PARP12: variants seen among roughly 807,000 people sequenced by gnomAD.
PARP12 encodes poly(ADP-ribose) polymerase family member 12.
PARP12 carries 59 observed loss-of-function variants against 72.4 expected under a neutral mutation model. That is an observed-to-expected ratio of 0.81 (90% CI 0.66 to 1.01). The LOEUF (loss-of-function observed/expected upper bound fraction) is 1.01. Among genes scored for constraint, PARP12 ranks in the 50% least tolerant of loss-of-function variants. PARP12 has a pLI of 0.00. For missense variants in PARP12, 851 were observed against 914.0 expected (o/e 0.93, Z 0.89); for synonymous variants, 403 against 371.4 (o/e 1.09, Z -0.98).
intron 4 of PARP12, among the ~76,000 whole-genome samples, chr7:140,049,021 G>A (rs908211398): frequency 6.6e-6 from 1 of 152,078 alleles, no homozygotes; most frequent in South Asian, 2.1e-4. Flanking sequence ...TTTGATACTT[G>A]AAAAAAATTA....
At position 140,024,543 on chromosome 7, in the gene PARP12, G is replaced by GGT. The variant is rs1569526161; in HGVS notation, c.*16_*17insAC. 6.2e-7 allele frequency: 1 copy of GGT among 1,613,504 alleles called. No individual in the cohort carries two copies. The highest frequency in any genetic ancestry group is 1.3e-5 in the African/African-American group (1 of 74,906). ...TCAAGGCAGAGCAGGTGAAAGGCCTGGAACACTCCTGTGCGCTCACTGTCG... is the reference window on the plus strand; with the variant it reads ...TCAAGGCAGAGCAGGTGAAAGGCCTGGTGAACACTCCTGTGCGCTCACTGTCG... On this transcript the variant is annotated 3_prime_UTR_variant, in exon 12 of 12. Coordinates refer to ENST00000263549, the MANE Select transcript of PARP12 (RefSeq NM_022750.4).
intron 4 of PARP12, among the ~76,000 whole-genome samples, chr7:140,047,415 G>A (rs1247692177): frequency 1.3e-5 from 2 of 152,122 alleles, no homozygotes; most frequent in African/African-American, 2.4e-5. Context: ...GTGATGCCCT[G>A]CAGCACCTCA....
In PARP12 at chr7:140,056,884, A is replaced by C. The variant is rs1223688176; in HGVS notation, c.732T>G (p.Pro244=). The change falls in exon 3 of 12, where the codon CCT becomes CCG. Residue 244 remains proline (P), a synonymous_variant. Transcript: ENST00000263549. ...AAGTCCCCTGTGGGACAAAAAGAGGAGGCACTCTGCTGGGGGCAGAGCTCT... is the reference window on the plus strand; with the variant it reads ...AAGTCCCCTGTGGGACAAAAAGAGGCGGCACTCTGCTGGGGGCAGAGCTCT... The part of the protein sequence containing the change: ...KNKSSAPSRV[P]PLFVPQGTSE... 6.2e-6 allele frequency: 10 copies of C among 1,610,198 alleles called. No homozygotes were observed. The highest frequency in any genetic ancestry group is 4.5e-5 in the East Asian group (2 of 44,864).
rs1207561245 is a variant in PARP12, at chr7:140,035,898, A to AGGAGGG, written c.1325-1568_1325-1567insCCCTCC. Among the ~76,000 whole-genome samples, 100 of 131,802 alleles carry AGGAGGG rather than the reference A, an allele frequency of 7.6e-4. 2 individuals are homozygous for AGGAGGG. The highest frequency in any genetic ancestry group is 1.6e-3 in the African/African-American group (55 of 34,462). The allele number at this position is 131,802 out of a possible 152,430, so 86.5% of individuals were successfully genotyped here. A position where few individuals can be genotyped will look rare whatever the true frequency, so the allele number is the denominator to read the frequency against. On this transcript the variant is annotated intron_variant, in intron 7 of 11. Transcript: ENST00000263549. ...GAGGAGGAGGAAGAGGAAGAGGAGG[A>AGGAGGG]GGACGAGGAGGAGGACAAGGAGGAG...
Position 140,024,544 on chromosome 7 carries a change from G to C in PARP12, c.*16C>G, listed in dbSNP as rs1815647554. 1 of 1,613,592 alleles carries C rather than the reference G, an allele frequency of 6.2e-7. No homozygotes were observed. Among genetic ancestry groups the C allele is most frequent in the Non-Finnish European group, 8.5e-7 (1 of 1,179,810 alleles). On this transcript the variant is annotated 3_prime_UTR_variant, in exon 12 of 12. Coordinates refer to ENST00000263549, the MANE Select transcript of PARP12 (RefSeq NM_022750.4). ...CAAGGCAGAGCAGGTGAAAGGCCTG[G>C]AACACTCCTGTGCGCTCACTGTCGG... is the stretch of plus-strand genomic sequence containing the variant.
At chr7:140,039,011 T>C (rs558610535) in intron 6 of PARP12, among the ~76,000 whole-genome samples, 153 of 152,308 alleles carry the variant, frequency 1.0e-3, no homozygotes, top group African/African-American at 3.5e-3. Context: ...AAGAAAAAGA[T>C]GCCTGAGCCA....
intron 4 of PARP12, among the ~76,000 whole-genome samples, chr7:140,051,061 G>A (rs1271275447): frequency 1.3e-5 from 2 of 152,154 alleles, no homozygotes; most frequent in Non-Finnish European, 2.9e-5. Context: ...CAGGAGCTGG[G>A]GGGAGGGAAG....
chr7:140,030,481 C>T (rs974042320), intron 8 of PARP12, among the ~76,000 whole-genome samples: 1 of 152,204 alleles, frequency 6.6e-6, no homozygotes, highest in African/African-American at 2.4e-5. Flanking sequence ...GCCAGTAGTC[C>T]AAGCTACTCA....
chr7:140,047,003 C>G lies in PARP12; in HGVS notation c.867G>C (p.Lys289Asn). 1 of 1,611,398 alleles carries G rather than the reference C, an allele frequency of 6.2e-7. No individual in the cohort carries two copies. Among genetic ancestry groups the G allele is most frequent in the Non-Finnish European group, 8.5e-7 (1 of 1,178,988 alleles). The change falls in exon 5 of 12, where the codon AAG becomes AAC. Residue 289 changes from lysine to asparagine, a missense_variant. Lys to Asn is a moderately conservative substitution (Grantham distance 94). This residue lies in a region of PARP12 where 492 missense variants were observed against 489.3 expected (regional missense o/e 1.01). Transcript: ENST00000263549. Reference protein sequence around the residue: ...HIRKSCSFQDKCHRVHFHLPY... With the variant: ...HIRKSCSFQDNCHRVHFHLPY... ...GCAAATGGAAATGAACTCTATGGCACTTATCTGAAATAAAAACATAAAGGA... is the reference window on the plus strand; with the variant it reads ...GCAAATGGAAATGAACTCTATGGCAGTTATCTGAAATAAAAACATAAAGGA...
chr7:140,037,717 T>C lies in PARP12; in HGVS notation c.1322A>G (p.Lys441Arg), dbSNP rs374743398. Reference sequence around the variant, plus strand: ...GGCGAGGGCAGGGCACAGGATACCTTTGAAATCTAACTCGTAGTTGTGCTT... The same window carrying C: ...GGCGAGGGCAGGGCACAGGATACCTCTGAAATCTAACTCGTAGTTGTGCTT... ...AGKHNYELDF[K>R]AFVQKNLVYG... is the part of the protein sequence containing the mutation. Residue 441 changes from lysine to arginine, a missense_variant and splice_region_variant, in exon 7 of 12, where the codon AAA becomes AGA. Transcript: ENST00000263549. 2.5e-6 allele frequency: 4 copies of C among 1,613,980 alleles called. No individual in the cohort carries two copies. The highest frequency in any genetic ancestry group is 1.3e-5 in the African/African-American group (1 of 74,940).
Position 140,057,708 on chromosome 7 carries a change from G to T in PARP12, c.462+191C>A, listed in dbSNP as rs1817245091. 3 of 703,418 alleles carry T rather than the reference G, an allele frequency of 4.3e-6. No individual in the cohort carries two copies. In the African/African-American group the frequency reaches 5.4e-5, roughly 13 times the overall value. 43.6% of individuals were successfully genotyped at this position (703,418 alleles called of 1,614,324 possible). ...CCATGGCATCTGTGTGATGTTTGTGGAACTGGGTTGTTGGCAAAGCTGGCC... is the reference window on the plus strand; with the variant it reads ...CCATGGCATCTGTGTGATGTTTGTGTAACTGGGTTGTTGGCAAAGCTGGCC... On this transcript the variant is annotated intron_variant, in intron 2 of 11. Transcript: ENST00000263549.
At position 140,054,769 on chromosome 7, in the gene PARP12, A is replaced by G; in HGVS notation, c.761-6T>C. On this transcript the variant is annotated splice_region_variant and splice_polypyrimidine_tract_variant and intron_variant, in intron 3 of 11. Transcript: ENST00000263549. ...ACCTGAACTGTCTTTTCTTTCTGCA[A>G]AGAAACACCACAAAGATATGTCAGC... 6.3e-7 allele frequency: 1 copy of G among 1,595,376 alleles called. No homozygotes were observed. Among genetic ancestry groups the G allele is most frequent in the East Asian group, 2.2e-5 (1 of 44,818 alleles).
chr7:140,032,373 C>T (rs1460794026), intron 8 of PARP12, among the ~76,000 whole-genome samples: 4 of 152,008 alleles, frequency 2.6e-5, no homozygotes, highest in South Asian at 4.2e-4. Flanking sequence ...GACAGGGTCT[C>T]GCTATGTTGC....
chr7:140,029,207 G>GC (rs1815847144), intron 8 of PARP12: 1 of 152,846 alleles, frequency 6.5e-6, no homozygotes, highest in Non-Finnish European at 1.5e-5. Context: ...ACTGTGATCT[G>GC]TATCTATCCT....
intron 1 of PARP12, among the ~76,000 whole-genome samples, chr7:140,061,172 A>G (rs1817428421): frequency 6.6e-6 from 1 of 152,220 alleles, no homozygotes; most frequent in South Asian, 2.1e-4. Context: ...CCCTGCATCT[A>G]GACAGGGTCA....
chr7:140,056,462 G>A (rs1222923797), intron 3 of PARP12, among the ~76,000 whole-genome samples: 8 of 152,026 alleles, frequency 5.3e-5, no homozygotes, highest in Non-Finnish European at 1.5e-5. Flanking sequence ...CACAAGGAAT[G>A]CTCCCCAGAG....
chr7:140,060,224 G>A (rs1269725782), intron 1 of PARP12, among the ~76,000 whole-genome samples: 1 of 152,196 alleles, frequency 6.6e-6, no homozygotes, highest in African/African-American at 2.4e-5. Flanking sequence ...CTAGCAAGGA[G>A]CAGAGCCCAG....
Position 140,026,216 on chromosome 7 carries a change from A to G in PARP12, c.1761T>C (p.His587=). The change falls in exon 11 of 12, where the codon CAT becomes CAC. Residue 587 remains histidine (H), a synonymous_variant. Coordinates refer to ENST00000263549, the MANE Select transcript of PARP12 (RefSeq NM_022750.4). ...QNFDWRVCGV[H]GTSYGKGSYF... is the part of the protein sequence containing the mutation. ...CCTTACCCTTGCCGTAGGAAGTGCC[A>G]TGAACACCACAGACCCGCCAGTCAA... The G allele has an allele frequency of 6.2e-7, 1 of 1,614,138 alleles. No homozygotes were observed. The highest frequency in any genetic ancestry group is 8.5e-7 in the Non-Finnish European group (1 of 1,180,044).
chr7:140,027,258 G>C lies in PARP12; in HGVS notation c.1628+18C>G. ...AGGGACAGAGTCACCAGCCCACCAA[G>C]AGCGAGCCCCAACGCACCACTGGTA... On this transcript the variant is annotated intron_variant, in intron 10 of 11. Coordinates refer to ENST00000263549, the MANE Select transcript of PARP12 (RefSeq NM_022750.4). 1 of 1,610,544 alleles carries C rather than the reference G, an allele frequency of 6.2e-7. No homozygotes were observed. The highest frequency in any genetic ancestry group is 8.5e-7 in the Non-Finnish European group (1 of 1,177,446).
Sources: allele counts gnomAD v4.1 joint callset (sites outside exome capture counted in the v4.1 genomes callset), GRCh38; gene constraint gnomAD v4.1.1; regional missense constraint gnomAD v4.1.1; transcripts MANE v1.5; gene names NCBI Gene and HGNC (gene_info 2026-07-23, HGNC 2026-07-21).